Variants in ARK2C observed in about 807,000 individuals in gnomAD.
The protein encoded by ARK2C is E3 ubiquitin-protein ligase ARK2C.
the ARK2C span, chr18:46,450,513 A>C: frequency 1.7e-5 from 15 of 892,004 alleles, no homozygotes; most frequent in Non-Finnish European, 2.4e-5. Context: ...AGGAAGCTTC[A>C]GGGTTAAGAG....
At chr18:46,369,662 C>T in the ARK2C span, among the ~76,000 whole-genome samples, 2 of 152,176 alleles carry the variant, frequency 1.3e-5, no homozygotes, top group Non-Finnish European at 1.5e-5. Context: ...ACTTTTCTAG[C>T]CTATCTCATT....
the ARK2C span, among the ~76,000 whole-genome samples, chr18:46,413,319 G>C: frequency 6.6e-6 from 1 of 152,012 alleles, no homozygotes; most frequent in African/African-American, 2.4e-5. Context: ...AGGGACCCTG[G>C]GAAGATGCTC....
At chr18:46,337,589 C>T in the ARK2C span, 1 of 984,742 alleles carries the variant, frequency 1.0e-6, no homozygotes, top group Non-Finnish European at 1.2e-6. Flanking sequence ...GACATTGTTA[C>T]ACACAGAATC....
At chr18:46,381,637 C>T in the ARK2C span, among the ~76,000 whole-genome samples, 1 of 152,072 alleles carries the variant, frequency 6.6e-6, no homozygotes, top group South Asian at 2.1e-4. Flanking sequence ...TTAAGACCAG[C>T]CTGGCAACAT....
the ARK2C span, chr18:46,435,399 G>A: frequency 1.9e-6 from 3 of 1,605,660 alleles, no homozygotes; most frequent in Admixed American, 1.7e-5. Flanking sequence ...ACTGACTGGT[G>A]AGTCTTCAGG....
chr18:46,446,670 C>CAAAAAAAA, the ARK2C span, among the ~76,000 whole-genome samples: 5 of 34,360 alleles, frequency 1.5e-4, no homozygotes, highest in Non-Finnish European at 2.6e-4. Flanking sequence ...GACTCCATCT[C>CAAAAAAAA]AAAAAAAAAA....
At chr18:46,425,368 A>C in the ARK2C span, among the ~76,000 whole-genome samples, 1 of 152,188 alleles carries the variant, frequency 6.6e-6, no homozygotes, top group Admixed American at 6.5e-5. Context: ...CACCAGCAGA[A>C]GGCCATCATC....
the ARK2C span, among the ~76,000 whole-genome samples, chr18:46,359,720 A>G: frequency 2.6e-5 from 4 of 152,136 alleles, no homozygotes; most frequent in Non-Finnish European, 4.4e-5. Flanking sequence ...AGTGGCAAAG[A>G]CCCAGGCTCC....
chr18:46,341,817 C>T, the ARK2C span, among the ~76,000 whole-genome samples: 1 of 152,270 alleles, frequency 6.6e-6, no homozygotes, highest in South Asian at 2.1e-4. Flanking sequence ...CAATCAGTAT[C>T]CCGAAATCTG....
chr18:46,444,638 A>G, the ARK2C span, among the ~76,000 whole-genome samples: 1 of 139,222 alleles, frequency 7.2e-6, no homozygotes, highest in Non-Finnish European at 1.6e-5. Flanking sequence ...TAATTTAAAC[A>G]TTTTTTTTTT....
the ARK2C span, among the ~76,000 whole-genome samples, chr18:46,346,689 T>C: frequency 1.3e-5 from 2 of 152,222 alleles, no homozygotes; most frequent in Non-Finnish European, 2.9e-5. Context: ...CTCACTCATA[T>C]AAAGTACGAG....
the ARK2C span, among the ~76,000 whole-genome samples, chr18:46,422,882 T>C: frequency 6.6e-6 from 1 of 152,192 alleles, no homozygotes; most frequent in South Asian, 2.1e-4. Context: ...TTCCTTATGT[T>C]GACTCAAATC....
the ARK2C span, among the ~76,000 whole-genome samples, chr18:46,408,531 G>A: frequency 3.3e-5 from 5 of 152,232 alleles, no homozygotes; most frequent in South Asian, 4.1e-4. Context: ...GAACTTACCC[G>A]TAGTCAAACA....
chr18:46,434,563 A>G, the ARK2C span, among the ~76,000 whole-genome samples: 1 of 152,234 alleles, frequency 6.6e-6, no homozygotes, highest in Non-Finnish European at 1.5e-5. Flanking sequence ...CATTTGTGAC[A>G]GAATGAGAGT....
chr18:46,414,849 C>G, the ARK2C span, among the ~76,000 whole-genome samples: 13 of 152,314 alleles, frequency 8.5e-5, no homozygotes, highest in Admixed American at 5.2e-4. Flanking sequence ...AGCCATTTCA[C>G]CCCTAGGAAA....
the ARK2C span, among the ~76,000 whole-genome samples, chr18:46,454,509 G>A: frequency 6.6e-6 from 1 of 152,222 alleles, no homozygotes; most frequent in African/African-American, 2.4e-5. Flanking sequence ...AGGGTTTGCA[G>A]TGGAGTATAT....
chr18:46,385,066 A>G, the ARK2C span, among the ~76,000 whole-genome samples: 1 of 152,114 alleles, frequency 6.6e-6, no homozygotes, highest in Non-Finnish European at 1.5e-5. Flanking sequence ...TCAGTTGGCA[A>G]ACCTTTTGAC....
At chr18:46,342,540 G>T in the ARK2C span, among the ~76,000 whole-genome samples, 2 of 152,220 alleles carry the variant, frequency 1.3e-5, no homozygotes, top group African/African-American at 4.8e-5. Context: ...AATGAACAGG[G>T]CATTGGAACC....
At chr18:46,388,669 A>G in the ARK2C span, among the ~76,000 whole-genome samples, 2 of 152,250 alleles carry the variant, frequency 1.3e-5, no homozygotes, top group Admixed American at 1.3e-4. Flanking sequence ...AGACATGAAG[A>G]AGGGGCTTGG....
Sources: gnomAD v4.1 joint callset for allele counts (sites outside exome capture counted in the v4.1 genomes callset) on GRCh38, gnomAD v4.1.1 for gene constraint, MANE v1.5 for transcripts, NCBI Gene and HGNC (gene_info 2026-07-23, HGNC 2026-07-21) for gene names.